The following DOP1A variants were observed in gnomAD, a reference collection of about 807,000 sequenced individuals.
The protein encoded by DOP1A is DOP1 leucine zipper like protein A.
A neutral mutation model predicts 267.6 loss-of-function variants in DOP1A; 90 were observed. The ratio of observed to expected loss-of-function variants is 0.34; its 90% confidence interval spans 0.28 to 0.40. The LOEUF (loss-of-function observed/expected upper bound fraction) is 0.40, where lower values mean the gene tolerates loss of function less well. Ranked by LOEUF, DOP1A falls within the 10% of genes least tolerant of loss-of-function variation. The pLI is 1.00. For synonymous variants in DOP1A, 932 were observed against 999.1 expected (o/e 0.93, Z 1.27); for missense variants, 2,437 against 2,900.4 (o/e 0.84, Z 3.67).
chr6:83,138,458 C>A lies in DOP1A; in HGVS notation c.4416C>A (p.Val1472=). The A allele has an allele frequency of 6.2e-7, 1 of 1,612,698 alleles. No individual in the cohort carries two copies. The change falls in exon 21 of 39, where the codon GTC becomes GTA. Residue 1472 remains valine, a synonymous_variant. Coordinates refer to ENST00000349129, the MANE Select transcript of DOP1A (RefSeq NM_015018.4). The part of the protein sequence containing the change: ...YYMRSHYPTH[V]KVTAQDLIGN... ...TGCGTAGCCATTACCCAACTCATGT[C>A]AAGGTTACTGCACAAGATTTAATAG...
chr6:83,105,354 T>C (rs868237745), intron 4 of DOP1A, among the ~76,000 whole-genome samples: 1 of 142,192 alleles, frequency 7.0e-6, no homozygotes. Flanking sequence ...ATGGATGTCT[T>C]TCTTTTTTTT....
In DOP1A at chr6:83,119,741, C is replaced by T. The variant is rs1776054342; in HGVS notation, c.881-7C>T. 4 of 1,604,592 alleles carry T rather than the reference C, an allele frequency of 2.5e-6. No homozygotes were observed. The highest frequency in any genetic ancestry group is 3.4e-6 in the Non-Finnish European group (4 of 1,175,246). On this transcript the variant is annotated splice_polypyrimidine_tract_variant and splice_region_variant and intron_variant, in intron 8 of 38. Transcript: ENST00000349129. ...TTTAAGTAATTTTGTGATTTGTTTC[C>T]ATGGAGGTTTTGATAACAACGGTGC...
At chr6:83,126,007 T>G (rs1001246435) in intron 15 of DOP1A, among the ~76,000 whole-genome samples, 14 of 151,942 alleles carry the variant, frequency 9.2e-5, no homozygotes, top group Non-Finnish European at 1.9e-4. Flanking sequence ...TAATTTTAAT[T>G]CTAGTTTATT....
At chr6:83,134,161 A>G in intron 18 of DOP1A, 26 bp from the exon 19 acceptor site, 1 of 1,594,194 alleles carries the variant, frequency 6.3e-7, no homozygotes, top group South Asian at 1.1e-5. Flanking sequence ...GAAGAACATA[A>G]TTTAAGCTCC....
chr6:83,080,831 A>T (rs2128026885), intron 1 of DOP1A, among the ~76,000 whole-genome samples: 2 of 152,312 alleles, frequency 1.3e-5, no homozygotes, highest in Middle Eastern at 6.8e-3. Context: ...GTGTCACCCA[A>T]AACAATCTAC....
chr6:83,076,795 A>G (rs79594741), intron 1 of DOP1A, among the ~76,000 whole-genome samples: 1,845 of 152,282 alleles, frequency 0.012, 26 homozygotes, highest in African/African-American at 0.037. Flanking sequence ...TGAAAGCAGG[A>G]TCTGGAAGAG....
At chr6:83,157,035 GT>G in intron 34 of DOP1A, 146 bp from the exon 35 acceptor site, 2 of 693,346 alleles carry the variant, frequency 2.9e-6, no homozygotes, top group Non-Finnish European at 4.5e-6. Flanking sequence ...CTTATTCGTT[GT>G]TTTATGAAAA....
In DOP1A at chr6:83,129,269, A is replaced by C; in HGVS notation, c.2102A>C (p.Gln701Pro). ...LYIIQNNSFSQSLATEHQGDL... is the reference protein window; with the variant it reads ...LYIIQNNSFSPSLATEHQGDL... ...ATCATTCAGAATAACTCTTTTTCTC[A>C]GTCTTTGGCTACAGAACATCAAGGG... Residue 701 changes from glutamine to proline, a missense_variant, in exon 16 of 39, where the codon CAG (glutamine) becomes CCG (proline). Physicochemically the swap from Gln to Pro is moderately conservative, Grantham distance 76 (BLOSUM62 -1). This residue lies in a region of DOP1A where 498 missense variants were observed against 513.5 expected (regional missense o/e 0.97). Transcript: ENST00000349129. 1 of 1,611,796 alleles carries C rather than the reference A, an allele frequency of 6.2e-7. No homozygotes were observed. The highest frequency in any genetic ancestry group is 8.5e-7 in the Non-Finnish European group (1 of 1,179,164).
In DOP1A at chr6:83,099,761, CAT is replaced by C. The variant is rs562010183; in HGVS notation, c.139-935_139-934del. 4.6e-3 allele frequency among the ~76,000 whole-genome samples: 689 copies of C among 150,114 alleles called. 5 individuals carry two copies. Among genetic ancestry groups the C allele is most frequent in the African/African-American group, 0.016 (652 of 40,472 alleles). On this transcript the variant is annotated intron_variant, in intron 3 of 38. Coordinates refer to ENST00000349129, the MANE Select transcript of DOP1A (RefSeq NM_015018.4). ...ACGTATACATATATATACACATACA[CAT>C]ATATATATGCTCTATTACATATATA...
intron 38 of DOP1A, chr6:83,164,534 C>T (rs1373811849): frequency 6.5e-6 from 6 of 925,450 alleles, no homozygotes; most frequent in Non-Finnish European, 1.0e-5. Flanking sequence ...ATTTGTCCCA[C>T]AGAATAAGAA....
At chr6:83,134,345 C>A in intron 19 of DOP1A, 58 bp downstream of exon 19, 1 of 1,409,578 alleles carries the variant, frequency 7.1e-7, no homozygotes, top group Non-Finnish European at 9.8e-7. Flanking sequence ...TGCCTCTTTC[C>A]TTGAGTCCAC....
intron 24 of DOP1A, among the ~76,000 whole-genome samples, chr6:83,142,949 C>T (rs1474339216): frequency 6.6e-6 from 1 of 151,996 alleles, no homozygotes; most frequent in African/African-American, 2.4e-5. Context: ...TGATTTTTTC[C>T]ACCTAACAAT....
chr6:83,168,198 G>A lies in DOP1A; in HGVS notation c.*31G>A, dbSNP rs762974996. 2.5e-6 allele frequency: 4 copies of A among 1,582,630 alleles called. No individual in the cohort carries two copies. Among genetic ancestry groups the A allele is most frequent in the Non-Finnish European group, 3.4e-6 (4 of 1,167,374 alleles). ...ATTGCTGGTTCCATTTAGCTTACAT[G>A]TAAATGTAATTATTTAAAACACACA... On this transcript the variant is annotated 3_prime_UTR_variant, in exon 39 of 39. Coordinates refer to ENST00000349129, the MANE Select transcript of DOP1A (RefSeq NM_015018.4).
intron 1 of DOP1A, among the ~76,000 whole-genome samples, chr6:83,093,721 C>T (rs559157415): frequency 1.3e-5 from 2 of 152,222 alleles, no homozygotes; most frequent in South Asian, 2.1e-4. Flanking sequence ...GCCTGGCCAG[C>T]GTGGTGAAAC....
chr6:83,097,865 ATTATT>A (rs556936772), intron 3 of DOP1A, among the ~76,000 whole-genome samples: 150 of 145,992 alleles, frequency 1.0e-3, no homozygotes, highest in Middle Eastern at 3.5e-3. Context: ...ATTTTATTTT[ATTATT>A]TTATTTTATT....
chr6:83,147,556 T>TG (rs1398585292), intron 26 of DOP1A, among the ~76,000 whole-genome samples: 1 of 152,208 alleles, frequency 6.6e-6, no homozygotes, highest in Non-Finnish European at 1.5e-5. Context: ...TAGGTGAACA[T>TG]ACAGTAATTC....
In DOP1A at chr6:83,122,960, C is replaced by T. The variant is rs146628555; in HGVS notation, c.1318C>T (p.Arg440Cys). 19 of 1,581,838 alleles carry T rather than the reference C, an allele frequency of 1.2e-5. No homozygotes were observed. The highest frequency in any genetic ancestry group is 2.3e-5 in the East Asian group (1 of 42,648). Residue 440 changes from arginine (R) to cysteine (C), a missense_variant, in exon 12 of 39, where the codon CGC becomes TGC. Transcript: ENST00000349129. ...TTATTATATGTGGGATTATGTTGCA[C>T]GCTGGTTTGAAGAATGTTGTAGGTA... is the stretch of plus-strand genomic sequence containing the variant. ...EPYYMWDYVARWFEECCRRTL... is the reference protein window; with the variant it reads ...EPYYMWDYVACWFEECCRRTL...
chr6:83,097,764 T>G (rs1186571019), intron 3 of DOP1A, among the ~76,000 whole-genome samples: 4 of 152,044 alleles, frequency 2.6e-5, no homozygotes, highest in African/African-American at 7.2e-5. Flanking sequence ...AAGGTTTTTT[T>G]TAAATTGTTA....
In DOP1A at chr6:83,145,569, G is replaced by T. The variant is rs1410105071; in HGVS notation, c.5587G>T (p.Val1863Phe). 1 of 1,610,828 alleles carries T rather than the reference G, an allele frequency of 6.2e-7. No homozygotes were observed. Among genetic ancestry groups the T allele is most frequent in the Non-Finnish European group, 8.5e-7 (1 of 1,178,156 alleles). The change falls in exon 25 of 39, where the codon GTT becomes TTT. Residue 1863 changes from valine (V) to phenylalanine (F), a missense_variant. By Grantham distance (50) the Val-to-Phe change is conservative. Transcript: ENST00000349129. ...AGAACAGCTTTTATTAGTGGAATTGGTTCGTTCAATCAGTGTCATGAGAGC... is the reference window on the plus strand; with the variant it reads ...AGAACAGCTTTTATTAGTGGAATTGTTTCGTTCAATCAGTGTCATGAGAGC... ...SEEQLLLVEL[V>F]RSISVMRAET...
Sources: allele counts gnomAD v4.1 joint callset (sites outside exome capture counted in the v4.1 genomes callset), GRCh38; gene constraint gnomAD v4.1.1; regional missense constraint gnomAD v4.1.1; transcripts MANE v1.5; gene names NCBI Gene and HGNC (gene_info 2026-07-23, HGNC 2026-07-21).